The following FDFT1 variants were observed in gnomAD, a reference collection of about 807,000 sequenced individuals.
FDFT1 encodes farnesyl-diphosphate farnesyltransferase 1.
A neutral mutation model predicts 46.8 loss-of-function variants in FDFT1; 68 were observed. The observed-to-expected ratio is 1.45, with a 90% CI of 1.19 to 1.78. FDFT1 has a LOEUF of 1.78. Ranked by LOEUF, FDFT1 falls within the 40% of genes most tolerant of loss-of-function variation. The pLI is 0.00. For missense variants in FDFT1, 928 were observed against 524.4 expected (o/e 1.77, Z -7.52); for synonymous variants, 351 against 185.1 (o/e 1.90, Z -7.28).
chr8:11,805,456 C>T (rs929686317), intron 1 of FDFT1, among the ~76,000 whole-genome samples: 2 of 152,232 alleles, frequency 1.3e-5, no homozygotes, highest in African/African-American at 4.8e-5. Flanking sequence ...GATCTGGCTC[C>T]TGTCCAATCT....
At chr8:11,822,078 C>G (rs779825543) in intron 4 of FDFT1, among the ~76,000 whole-genome samples, 200 bp downstream of exon 4, 18 of 152,120 alleles carry the variant, frequency 1.2e-4, no homozygotes, top group Non-Finnish European at 1.9e-4. Context: ...GGATATCAGC[C>G]AGGCTAGGAG....
intron 5 of FDFT1, among the ~76,000 whole-genome samples, 170 bp downstream of exon 5, chr8:11,826,385 C>CT (rs1314589432): frequency 6.6e-6 from 1 of 152,232 alleles, no homozygotes; most frequent in Non-Finnish European, 1.5e-5. Flanking sequence ...GGTAGACTGG[C>CT]TGACTCCCAG....
At chr8:11,801,801 C>T (rs952246175), upstream of FDFT1, 7 of 367,826 alleles carry the variant, frequency 1.9e-5, no homozygotes, top group African/African-American at 1.3e-4. Flanking sequence ...TCAAGTGATT[C>T]TCCTGCCTCA....
intron 3 of FDFT1, among the ~76,000 whole-genome samples, chr8:11,812,814 C>G (rs190567156): frequency 6.6e-6 from 1 of 152,276 alleles, no homozygotes; most frequent in East Asian, 1.9e-4. Context: ...CTTTAGTGAT[C>G]ATTAGTTGAT....
intron 3 of FDFT1, among the ~76,000 whole-genome samples, chr8:11,810,811 C>G (rs1333048117): frequency 1.3e-5 from 2 of 151,646 alleles, no homozygotes; most frequent in African/African-American, 4.8e-5. Context: ...TTTTGGAGAA[C>G]AGTCCTTATG....
rs567019181 is a variant in FDFT1, at chr8:11,823,805, A to G, written c.510+1927A>G. Among the ~76,000 whole-genome samples, 336 of 152,204 alleles carry G rather than the reference A, an allele frequency of 2.2e-3. 3 individuals carry two copies. The highest frequency in any genetic ancestry group is 7.8e-3 in the African/African-American group (325 of 41,518). The stretch of plus-strand genomic sequence containing the variant: ...GTCACCCAGGCTGGAGTGTAGTGGC[A>G]TGATCAAGGCTCACTGCAGCCTTCA... On this transcript the variant is annotated intron_variant, in intron 4 of 7. Transcript: ENST00000220584.
chr8:11,837,567 G>T (rs1367608026), intron 7 of FDFT1, among the ~76,000 whole-genome samples: 1 of 152,100 alleles, frequency 6.6e-6, no homozygotes. Flanking sequence ...AGGGAGGTGG[G>T]CAAGGGCTGG....
chr8:11,835,676 A>G (rs1167930770), intron 7 of FDFT1, among the ~76,000 whole-genome samples: 18 of 152,200 alleles, frequency 1.2e-4, no homozygotes, highest in Non-Finnish European at 8.8e-5. Context: ...ACAACAGGCT[A>G]ACAAAGTACA....
At chr8:11,802,727 C>T (rs923270115), upstream of FDFT1, 5 of 860,770 alleles carry the variant, frequency 5.8e-6, no homozygotes, top group African/African-American at 8.5e-5. Flanking sequence ...TGCCCCCTGT[C>T]CGGCCAGCCC....
At chr8:11,813,476 A>C (rs1339051450) in intron 3 of FDFT1, among the ~76,000 whole-genome samples, 1 of 152,220 alleles carries the variant, frequency 6.6e-6, no homozygotes, top group East Asian at 1.9e-4. Flanking sequence ...TCTACATTTT[A>C]TCTAGATGAG....
intron 3 of FDFT1, among the ~76,000 whole-genome samples, chr8:11,821,125 G>C (rs1366638441): frequency 6.6e-6 from 1 of 152,160 alleles, no homozygotes; most frequent in Non-Finnish European, 1.5e-5. Context: ...TCATAATGAG[G>C]TTTCTCTAAA....
At chr8:11,800,277 A>C (rs1805983197), upstream of FDFT1, among the ~76,000 whole-genome samples, 1 of 149,116 alleles carries the variant, frequency 6.7e-6, no homozygotes, top group Non-Finnish European at 1.5e-5. Context: ...AAAAAAAAAA[A>C]AAAAAAAAAA....
chr8:11,809,723 A>G lies in FDFT1; in HGVS notation c.254A>G (p.Asp85Gly), dbSNP rs900240079. 3 of 1,614,134 alleles carry G rather than the reference A, an allele frequency of 1.9e-6. No individual in the cohort carries two copies. The highest frequency in any genetic ancestry group is 2.5e-6 in the Non-Finnish European group (3 of 1,179,958). Residue 85 changes from aspartate to glycine, a missense_variant, in exon 3 of 8, where the codon GAC becomes GGC. Asp to Gly is a moderately conservative substitution (Grantham distance 94). Coordinates refer to ENST00000220584, the MANE Select transcript of FDFT1 (RefSeq NM_004462.5). ...CGAGCTCTGGACACACTGGAAGATG[A>G]CATGACCATCAGTGTGGAAAAGAAG... is the stretch of plus-strand genomic sequence containing the variant. Reference protein sequence around the residue: ...VLRALDTLEDDMTISVEKKVP... With the variant: ...VLRALDTLEDGMTISVEKKVP...
intron 3 of FDFT1, among the ~76,000 whole-genome samples, chr8:11,820,403 A>C (rs1231632961): frequency 2.0e-5 from 3 of 152,200 alleles, no homozygotes; most frequent in African/African-American, 4.8e-5. Context: ...GGGATGTTTA[A>C]ATCTGCAGAA....
At chr8:11,809,300 T>A in intron 2 of FDFT1, 1 of 1,095,026 alleles carries the variant, frequency 9.1e-7, no homozygotes, top group Non-Finnish European at 1.1e-6. Context: ...TTATGTATGA[T>A]CGTATTTATA....
chr8:11,803,388 A>C lies in FDFT1; in HGVS notation c.99+457A>C, dbSNP rs768051314. ...CCTCCAGTTTCACCACCTCTTCCGG[A>C]GCTCTCCCCGCCTTGCTGCCTTCCA... On this transcript the variant is annotated intron_variant, in intron 1 of 7. Transcript: ENST00000220584. 3 of 1,289,478 alleles carry C rather than the reference A, an allele frequency of 2.3e-6. No homozygotes were observed. The South Asian group carries it at 3.7e-5, about 16-fold the overall frequency. The allele number at this position is 1,289,478 out of a possible 1,614,324, so 79.9% of individuals were successfully genotyped here.
At chr8:11,804,207 G>A (rs569093258) in intron 1 of FDFT1, among the ~76,000 whole-genome samples, 1 of 152,336 alleles carries the variant, frequency 6.6e-6, no homozygotes, top group African/African-American at 2.4e-5. Flanking sequence ...AAGCACTGCA[G>A]AGGAAGATAC....
rs557730948 is a variant in FDFT1 at position 11,824,037 on chromosome 8, A to AT, written c.511-1981dup. On this transcript the variant is annotated intron_variant, in intron 4 of 7. Transcript: ENST00000220584. ...GAGCCACTACACTCAGCCTTTTAAA[A>AT]TTTTTTACAGAGATGAGGTCTTGCT... Among the ~76,000 whole-genome samples, 416 of 151,916 alleles carry AT rather than the reference A, an allele frequency of 2.7e-3. 5 individuals carry two copies. The highest frequency in any genetic ancestry group is 7.7e-3 in the African/African-American group (319 of 41,394).
At chr8:11,800,062 C>G (rs1430811150), upstream of FDFT1, among the ~76,000 whole-genome samples, 3 of 151,314 alleles carry the variant, frequency 2.0e-5, no homozygotes, top group East Asian at 3.9e-4. Flanking sequence ...GAGTTCAAGA[C>G]CAGTCTGGCC....
Sources: gnomAD v4.1 joint callset for allele counts (sites outside exome capture counted in the v4.1 genomes callset) on GRCh38, gnomAD v4.1.1 for gene constraint, MANE v1.5 for transcripts, NCBI Gene and HGNC (gene_info 2026-07-23, HGNC 2026-07-21) for gene names.